Variants in DENND4C observed in about 807,000 individuals in gnomAD.
DENND4C encodes DENN domain containing 4C.
DENND4C carries 108 observed loss-of-function variants against 203.0 expected under a neutral mutation model. That is an observed-to-expected ratio of 0.53 (90% CI 0.46 to 0.62). DENND4C has a LOEUF of 0.62. DENND4C is among the 20% of genes least tolerant of loss of function. The probability of loss-of-function intolerance (pLI) is 0.00; values close to 1 mark genes in which losing one functional copy is unlikely to be tolerated. For missense variants in DENND4C, 2,481 were observed against 2,301.2 expected (o/e 1.08, Z -1.60); for synonymous variants, 871 against 792.4 (o/e 1.10, Z -1.67).
chr9:19,346,176 C>T lies in DENND4C; in HGVS notation c.3407C>T (p.Pro1136Leu). The T allele has an allele frequency of 1.2e-6, 2 of 1,614,192 alleles. No homozygotes were observed. Among genetic ancestry groups the T allele is most frequent in the Non-Finnish European group, 1.7e-6 (2 of 1,180,032 alleles). ...AKILTAALTC[P>L]KTSLLHIART... ...ATTCTCACAGCAGCATTGACATGTC[C>T]TAAGACTTCTCTACTTCATATTGCA... Residue 1136 changes from proline to leucine, a missense_variant, in exon 23 of 33, where the codon CCT (proline) becomes CTT (leucine). By Grantham distance (98) the Pro-to-Leu change is moderately conservative. Around this residue, in one of 3 missense-constraint regions of DENND4C, gnomAD observed 2,289 missense variants for 2,113.3 expected, o/e 1.08. Coordinates refer to ENST00000434457, the MANE Select transcript of DENND4C (RefSeq NM_001330640.2).
chr9:19,311,018 T>A (rs1164407731), intron 10 of DENND4C, among the ~76,000 whole-genome samples: 1 of 152,236 alleles, frequency 6.6e-6, no homozygotes, highest in Non-Finnish European at 1.5e-5. Context: ...CCATACTTTG[T>A]ATATAATGCT....
At chr9:19,298,435 C>T (rs932520150) in intron 7 of DENND4C, among the ~76,000 whole-genome samples, 2 of 152,042 alleles carry the variant, frequency 1.3e-5, no homozygotes, top group East Asian at 1.9e-4. Flanking sequence ...ACCAGATTCT[C>T]TAATAAATAT....
At position 19,251,963 on chromosome 9, in the gene DENND4C, G is replaced by T. The variant is rs577311226; in HGVS notation, c.-18+21130G>T. Among the ~76,000 whole-genome samples the T allele has an allele frequency of 9.2e-5, 14 of 152,268 alleles. No individual in the cohort carries two copies. In the South Asian group the frequency reaches 2.9e-3, roughly 32 times the overall value. ...CTCCAAACTGTTCCAGCCTCTGCCT[G>T]TTACCCAGTTCGAAAGTCGCTTCCA... On this transcript the variant is annotated intron_variant, in intron 1 of 32. Coordinates refer to ENST00000434457, the MANE Select transcript of DENND4C (RefSeq NM_001330640.2).
chr9:19,366,672 A>G (rs1176608468), intron 30 of DENND4C, among the ~76,000 whole-genome samples: 1 of 152,226 alleles, frequency 6.6e-6, no homozygotes, highest in Non-Finnish European at 1.5e-5. Flanking sequence ...ATGAAATTGG[A>G]TACTTCCTCA....
chr9:19,346,255 T>A lies in DENND4C; in HGVS notation c.3486T>A (p.Cys1162Ter), dbSNP rs766937933. The A allele has an allele frequency of 5.6e-6, 9 of 1,614,056 alleles. No individual in the cohort carries two copies. The change falls in exon 23 of 33, where the codon TGT becomes TGA. Residue 1162 changes from cysteine (C) to a stop codon, truncating the protein, a stop_gained. Transcript: ENST00000434457. LOFTEE classifies it high-confidence loss of function. ...GTCACCTACCTGATAGTAGGACTTGTATGTCTGAAAGCACTTGGAATCCTG... is the reference window on the plus strand; with the variant it reads ...GTCACCTACCTGATAGTAGGACTTGAATGTCTGAAAGCACTTGGAATCCTG... ...VSCHLPDSRT[C>*]MSESTWNPEH...
chr9:19,283,752 T>G (rs1487523206), intron 2 of DENND4C, among the ~76,000 whole-genome samples: 1 of 148,372 alleles, frequency 6.7e-6, no homozygotes, highest in Admixed American at 6.8e-5. Context: ...CCTGCCACCA[T>G]GCCAGGCTAA....
At chr9:19,345,109 G>A (rs1470027435) in intron 22 of DENND4C, among the ~76,000 whole-genome samples, 1 of 152,214 alleles carries the variant, frequency 6.6e-6, no homozygotes, top group African/African-American at 2.4e-5. Context: ...CAAACATTCA[G>A]TCCATAACAG....
At chr9:19,247,653 C>T (rs7867649) in intron 1 of DENND4C, among the ~76,000 whole-genome samples, 3,022 of 152,238 alleles carry the variant, frequency 0.02, 112 homozygotes, top group African/African-American at 0.069. Flanking sequence ...CTTGGCCTCC[C>T]AAAGGACTAG....
intron 5 of DENND4C, 37 bp from the exon 6 acceptor site, chr9:19,295,971 A>G (rs1471126146): frequency 6.7e-7 from 1 of 1,482,300 alleles, no homozygotes; most frequent in Non-Finnish European, 9.3e-7. Context: ...TTTTCAAACA[A>G]ACTCAAATCT....
At chr9:19,352,310 G>T in intron 25 of DENND4C, 128 bp downstream of exon 25, 1 of 1,055,778 alleles carries the variant, frequency 9.5e-7, no homozygotes, top group Non-Finnish European at 1.4e-6. Context: ...TGTTGAATTT[G>T]CTTGATGTCT....
chr9:19,300,847 T>A (rs1838412312), intron 9 of DENND4C, among the ~76,000 whole-genome samples: 1 of 152,216 alleles, frequency 6.6e-6, no homozygotes. Flanking sequence ...TTAAAGTTGT[T>A]CCCTGCTTAA....
chr9:19,304,554 T>G (rs1329154620), intron 9 of DENND4C, among the ~76,000 whole-genome samples: 1 of 151,146 alleles, frequency 6.6e-6, no homozygotes, highest in African/African-American at 2.4e-5. Flanking sequence ...TTTTTTTTTT[T>G]GAGACCGAGT....
At chr9:19,234,185 A>G (rs528659563) in intron 1 of DENND4C, among the ~76,000 whole-genome samples, 14 of 152,142 alleles carry the variant, frequency 9.2e-5, no homozygotes, top group Non-Finnish European at 1.8e-4. Context: ...CCATTTCCAT[A>G]GCTTAACATT....
chr9:19,245,733 G>A (rs1483020068), intron 1 of DENND4C, among the ~76,000 whole-genome samples: 1 of 152,012 alleles, frequency 6.6e-6, no homozygotes, highest in Non-Finnish European at 1.5e-5. Flanking sequence ...GCATGTGCTT[G>A]TAATCCCAGC....
At chr9:19,321,695 A>G (rs1416936259) in intron 12 of DENND4C, among the ~76,000 whole-genome samples, 1 of 151,896 alleles carries the variant, frequency 6.6e-6, no homozygotes, top group South Asian at 2.1e-4. Context: ...AAATACAAAA[A>G]TTAGCGCATG....
intron 12 of DENND4C, among the ~76,000 whole-genome samples, chr9:19,318,788 A>G (rs1482826625): frequency 3.3e-5 from 5 of 152,220 alleles, no homozygotes; most frequent in African/African-American, 7.2e-5. Context: ...GATCTACCCA[A>G]TAATCCTCAT....
chr9:19,253,150 T>A (rs1309160101), intron 1 of DENND4C, among the ~76,000 whole-genome samples: 1 of 152,268 alleles, frequency 6.6e-6, no homozygotes, highest in African/African-American at 2.4e-5. Flanking sequence ...GTTTAGAAGT[T>A]TTTAATTAGT....
intron 20 of DENND4C, among the ~76,000 whole-genome samples, chr9:19,340,205 A>C (rs534167917): frequency 6.6e-6 from 1 of 152,190 alleles, no homozygotes; most frequent in Non-Finnish European, 1.5e-5. Flanking sequence ...CTTTTTTCCT[A>C]AGCTAGAAAA....
chr9:19,280,475 G>A (rs1010152195), intron 2 of DENND4C, among the ~76,000 whole-genome samples: 26 of 152,116 alleles, frequency 1.7e-4, no homozygotes, highest in Non-Finnish European at 5.9e-5. Flanking sequence ...GAAGAAGAAA[G>A]TAAGTTAAAA....
Sources: allele counts gnomAD v4.1 joint callset (sites outside exome capture counted in the v4.1 genomes callset), GRCh38; gene constraint gnomAD v4.1.1; regional missense constraint gnomAD v4.1.1; transcripts MANE v1.5; gene names NCBI Gene and HGNC (gene_info 2026-07-23, HGNC 2026-07-21).